CACNA1A: variants seen among roughly 807,000 people sequenced by gnomAD.
CACNA1A encodes voltage-dependent P/Q-type calcium channel subunit alpha-1A.
A neutral mutation model predicts 262.4 loss-of-function variants in CACNA1A; 57 were observed. That is an observed-to-expected ratio of 0.22 (90% CI 0.18 to 0.27). The LOEUF is 0.27. CACNA1A is among the 10% of genes least tolerant of loss of function. The pLI, the probability that CACNA1A is intolerant of heterozygous loss-of-function variation, is 1.00. For synonymous variants in CACNA1A, 1,431 were observed against 1,419.3 expected, an observed-to-expected ratio of 1.01 and a Z score of -0.18; for missense variants, 2,526 against 3,562.8, an observed-to-expected ratio of 0.71 and a Z score of 7.41.
chr19:13,276,924 C>A (rs2057163224), intron 23 of CACNA1A, 145 bp downstream of exon 23: 1 of 560,420 alleles, frequency 1.8e-6, no homozygotes. Flanking sequence ...GTTGGCCAGG[C>A]TGGCCTCAAC....
At chr19:13,227,283 G>T in intron 37 of CACNA1A, 148 bp downstream of exon 37, 3 of 436,838 alleles carry the variant, frequency 6.9e-6, no homozygotes, top group Non-Finnish European at 1.3e-5. Flanking sequence ...CTCGAGAAAA[G>T]AAAAAAAAGA....
At chr19:13,503,875 C>T (rs1477621099) in intron 1 of CACNA1A, among the ~76,000 whole-genome samples, 1 of 152,048 alleles carries the variant, frequency 6.6e-6, no homozygotes, top group Non-Finnish European at 1.5e-5. Context: ...AAGTGGCAAG[C>T]AACACTCGCA....
intron 30 of CACNA1A, among the ~76,000 whole-genome samples, chr19:13,246,203 T>G (rs1990228): frequency 0.19 from 28,869 of 152,140 alleles, 3,676 homozygotes; most frequent in East Asian, 0.61. Flanking sequence ...GGCCTCCATT[T>G]CCTGATCTGG....
intron 31 of CACNA1A, among the ~76,000 whole-genome samples, chr19:13,239,180 C>T (rs749994220): frequency 1.1e-4 from 17 of 152,060 alleles, no homozygotes; most frequent in Non-Finnish European, 2.4e-4. Context: ...CACAATATAG[C>T]CCCGCCCTCC....
intron 37 of CACNA1A, 53 bp downstream of exon 37, chr19:13,227,378 G>T: frequency 1.3e-6 from 1 of 799,328 alleles, no homozygotes; most frequent in Non-Finnish European, 2.1e-6. Context: ...AGAAGAAGAA[G>T]AAGAAAAAAA....
chr19:13,418,456 G>GA (rs1338519258), intron 3 of CACNA1A, among the ~76,000 whole-genome samples: 1 of 152,048 alleles, frequency 6.6e-6, no homozygotes, highest in African/African-American at 2.4e-5. Context: ...ACCTTATTTA[G>GA]AAAAAATAAG....
At chr19:13,465,474 C>CT (rs1358966212) in intron 1 of CACNA1A, among the ~76,000 whole-genome samples, 17 of 152,018 alleles carry the variant, frequency 1.1e-4, no homozygotes, top group South Asian at 4.2e-4. Flanking sequence ...TCAGCATCAA[C>CT]TTTTTTGTTT....
At chr19:13,303,394 G>T (rs944660955) in intron 17 of CACNA1A, 152 bp downstream of exon 17, 8 of 596,122 alleles carry the variant, frequency 1.3e-5, no homozygotes, top group Non-Finnish European at 2.4e-5. Flanking sequence ...GGGGGGAGAG[G>T]CGCCTTCTCT....
intron 1 of CACNA1A, among the ~76,000 whole-genome samples, chr19:13,479,952 C>T (rs1368993647): frequency 3.9e-5 from 6 of 152,204 alleles, no homozygotes; most frequent in South Asian, 2.1e-4. Context: ...CATTCATTTA[C>T]GTATTGCCTG....
At chr19:13,269,654 G>T (rs1189330627) in intron 24 of CACNA1A, among the ~76,000 whole-genome samples, 1 of 152,222 alleles carries the variant, frequency 6.6e-6, no homozygotes, top group African/African-American at 2.4e-5. Flanking sequence ...GCCAGCTGCT[G>T]AGAAATGTCA....
At chr19:13,334,948 C>T (rs902932316) in intron 7 of CACNA1A, among the ~76,000 whole-genome samples, 5 of 151,584 alleles carry the variant, frequency 3.3e-5, no homozygotes, top group South Asian at 2.1e-4. Context: ...GCAGGAGGAT[C>T]GCTTGTGCCT....
chr19:13,487,687 A>T (rs144493316), intron 1 of CACNA1A, among the ~76,000 whole-genome samples: 3 of 144,158 alleles, frequency 2.1e-5, no homozygotes, highest in Non-Finnish European at 4.6e-5. Flanking sequence ...AAAAAAAAAA[A>T]TCCCACACCC....
chr19:13,502,970 C>G (rs1982566063), intron 1 of CACNA1A, among the ~76,000 whole-genome samples: 1 of 152,156 alleles, frequency 6.6e-6, no homozygotes, highest in African/African-American at 2.4e-5. Context: ...ACCTGCAACC[C>G]TTAGTCAACA....
Position 13,303,423 on chromosome 19 carries a change from G to A in CACNA1A, c.2172+123C>T, listed in dbSNP as rs541437423. On this transcript the variant is annotated intron_variant, in intron 17 of 46. Coordinates refer to ENST00000360228, the MANE Select transcript of CACNA1A (RefSeq NM_001127222.2). ...CTTCTCTTTGCATGGTGCATCCCCG[G>A]CAAAAGTTCTAACCCTGTTCCCATG... 16 of 682,246 alleles carry A rather than the reference G, an allele frequency of 2.3e-5. No homozygotes were observed. The South Asian group carries it at 2.6e-4, about 11-fold the overall frequency. The allele number at this position is 682,246 out of a possible 1,614,324, so 42.3% of individuals were successfully genotyped here.
chr19:13,377,225 G>C (rs940244901), intron 3 of CACNA1A, among the ~76,000 whole-genome samples: 2 of 151,926 alleles, frequency 1.3e-5, no homozygotes, highest in African/African-American at 4.8e-5. Context: ...GCCTCCCAAA[G>C]TGGTGGGATT....
intron 31 of CACNA1A, among the ~76,000 whole-genome samples, chr19:13,238,496 C>T (rs937622183): frequency 2.6e-5 from 4 of 152,138 alleles, no homozygotes; most frequent in Non-Finnish European, 5.9e-5. Context: ...TGACTTATTT[C>T]GGGATGTCCT....
At chr19:13,319,150 G>A (rs944243491) in intron 10 of CACNA1A, among the ~76,000 whole-genome samples, 2 of 152,092 alleles carry the variant, frequency 1.3e-5, no homozygotes, top group East Asian at 1.9e-4. Flanking sequence ...CCGCCTCAGC[G>A]TCCCTAAGCA....
At chr19:13,388,344 C>T (rs2059655317) in intron 3 of CACNA1A, among the ~76,000 whole-genome samples, 1 of 148,444 alleles carries the variant, frequency 6.7e-6, no homozygotes, top group African/African-American at 2.5e-5. Flanking sequence ...CAACCTCTGC[C>T]TCCCGGGTTC....
At chr19:13,497,865 C>T (rs1163082038) in intron 1 of CACNA1A, among the ~76,000 whole-genome samples, 1 of 151,740 alleles carries the variant, frequency 6.6e-6, no homozygotes, top group African/African-American at 2.4e-5. Flanking sequence ...GACTACTGTC[C>T]CCGTTTTACA....
Sources: allele counts gnomAD v4.1 joint callset (sites outside exome capture counted in the v4.1 genomes callset), GRCh38; gene constraint gnomAD v4.1.1; transcripts MANE v1.5; gene names NCBI Gene and HGNC (gene_info 2026-07-23, HGNC 2026-07-21).